The following NOL8 variants were observed in gnomAD, a reference collection of about 807,000 sequenced individuals.
NOL8 encodes nucleolar protein 8.
A neutral mutation model predicts 116.1 loss-of-function variants in NOL8; 93 were observed. That is an observed-to-expected ratio of 0.80 (90% CI 0.68 to 0.95). The LOEUF (loss-of-function observed/expected upper bound fraction) is 0.95. Among genes scored for constraint, NOL8 ranks in the 40% least tolerant of loss-of-function variants. The pLI is 0.00. For synonymous variants in NOL8, 419 were observed against 469.0 expected (o/e 0.89, Z 1.38); for missense variants, 1,291 against 1,382.8 (o/e 0.93, Z 1.05).
At chr9:92,323,990 C>T (rs1489623719) in intron 2 of NOL8, 33 bp downstream of exon 2, 5 of 1,609,934 alleles carry the variant, frequency 3.1e-6, no homozygotes, top group Non-Finnish European at 4.2e-6. Flanking sequence ...GTTATGTCTG[C>T]CTATAACTGC....
At chr9:92,312,732 CAGG>C (rs1838934784) in intron 7 of NOL8, among the ~76,000 whole-genome samples, 1 of 145,822 alleles carries the variant, frequency 6.9e-6, no homozygotes, top group Non-Finnish European at 1.5e-5. Flanking sequence ...GAGGCTGAGG[CAGG>C]AGAATTGCTT....
chr9:92,310,064 G>T, intron 10 of NOL8, 107 bp downstream of exon 10: 1 of 743,230 alleles, frequency 1.3e-6, no homozygotes. Flanking sequence ...TCAATCCAAT[G>T]TCTTGGGATG....
Position 92,298,101 on chromosome 9 carries a change from A to G in NOL8, c.3453+156T>C, listed in dbSNP as rs564385234. 1.2e-4 allele frequency among the ~76,000 whole-genome samples: 18 copies of G among 152,330 alleles called. No individual in the cohort carries two copies. In the South Asian group the frequency reaches 3.7e-3, roughly 32 times the overall value. The stretch of plus-strand genomic sequence containing the variant: ...TTTAAAAATCTGATGCTTTCGTGTT[A>G]CTTAATAGGCTTGGCTGGATTCTGA... On this transcript the variant is annotated intron_variant, in intron 16 of 16. Coordinates refer to ENST00000442668, the MANE Select transcript of NOL8 (RefSeq NM_017948.6).
intron 11 of NOL8, among the ~76,000 whole-genome samples, chr9:92,306,510 G>T (rs905555255): frequency 6.6e-5 from 10 of 152,052 alleles, no homozygotes; most frequent in Non-Finnish European, 1.2e-4. Flanking sequence ...GGTGTACAGG[G>T]CTTTCATTAC....
intron 6 of NOL8, 77 bp from the exon 7 acceptor site, chr9:92,316,215 C>A: frequency 6.9e-7 from 1 of 1,439,182 alleles, no homozygotes; most frequent in South Asian, 1.4e-5. Flanking sequence ...AAAAATATTG[C>A]TTAATCTCAA....
At chr9:92,316,222 T>C in intron 6 of NOL8, 84 bp from the exon 7 acceptor site, 2 of 1,384,478 alleles carry the variant, frequency 1.4e-6, no homozygotes, top group Non-Finnish European at 1.9e-6. Flanking sequence ...TTGCTTAATC[T>C]CAAATAAGTC....
intron 7 of NOL8, among the ~76,000 whole-genome samples, chr9:92,313,650 C>T (rs1312037468): frequency 2.6e-5 from 4 of 152,190 alleles, no homozygotes; most frequent in Non-Finnish European, 5.9e-5. Flanking sequence ...CTTGTATAAA[C>T]GGTTCCTTTT....
At position 92,315,355 on chromosome 9, in the gene NOL8, A is replaced by G. The variant is rs750292239; in HGVS notation, c.1270T>C (p.Cys424Arg). The change falls in exon 7 of 17, where the codon TGT becomes CGT. Residue 424 changes from cysteine (C) to arginine (R), a missense_variant. By Grantham distance (180) the Cys-to-Arg change is radical. Transcript: ENST00000442668. ...NRENCELSDH[C>R]IKLQKRKSNV... ...CTTTTTCTTTTTTGTAGTTTAATAC[A>G]GTGATCAGAAAGCTCACAGTTTTCT... 6.2e-7 allele frequency: 1 copy of G among 1,610,824 alleles called. No homozygotes were observed. Among genetic ancestry groups the G allele is most frequent in the African/African-American group, 1.3e-5 (1 of 74,896 alleles).
intron 3 of NOL8, 143 bp downstream of exon 3, chr9:92,323,298 C>G: frequency 6.5e-7 from 1 of 1,535,782 alleles, no homozygotes; most frequent in Non-Finnish European, 8.7e-7. Context: ...CTGAGTTATA[C>G]GATACTGGAA....
intron 14 of NOL8, among the ~76,000 whole-genome samples, chr9:92,299,639 C>T (rs1464827537): frequency 6.6e-6 from 1 of 151,922 alleles, no homozygotes; most frequent in Non-Finnish European, 1.5e-5. Flanking sequence ...GTAATCCCAG[C>T]TACTTGGGAG....
intron 6 of NOL8, among the ~76,000 whole-genome samples, chr9:92,317,893 G>A (rs965721112): frequency 4.6e-5 from 7 of 151,594 alleles, no homozygotes; most frequent in African/African-American, 1.5e-4. Flanking sequence ...AAATTAGCCA[G>A]GTGTGGTGGC....
At chr9:92,312,985 G>GA (rs923370409) in intron 7 of NOL8, among the ~76,000 whole-genome samples, 81 of 144,208 alleles carry the variant, frequency 5.6e-4, no homozygotes, top group Non-Finnish European at 8.5e-4. Flanking sequence ...AATAAAGGAA[G>GA]AAAAAAAAAA....
chr9:92,314,357 T>C lies in NOL8; in HGVS notation c.2268A>G (p.Glu756=). The change falls in exon 7 of 17, where the codon GAA becomes GAG. Residue 756 remains glutamate, a synonymous_variant. Coordinates refer to ENST00000442668, the MANE Select transcript of NOL8 (RefSeq NM_017948.6). ...SDVSAKDKHA[E]DNEKRLAALE... is the part of the protein sequence containing the mutation. ...AGGCTGCCAAACGCTTCTCATTGTC[T>C]TCAGCATGCTTATCTTTAGCACTCA... The C allele has an allele frequency of 6.2e-7, 1 of 1,613,214 alleles. No homozygotes were observed. The highest frequency in any genetic ancestry group is 1.1e-5 in the South Asian group (1 of 91,048).
At chr9:92,301,885 T>C (rs1419699899) in intron 12 of NOL8, 63 bp from the exon 13 acceptor site, 1 of 1,410,262 alleles carries the variant, frequency 7.1e-7, no homozygotes, top group Non-Finnish European at 9.4e-7. Flanking sequence ...TTTCCAGAAA[T>C]CAAGAAAAGA....
intron 4 of NOL8, chr9:92,319,946 T>C: frequency 4.8e-6 from 2 of 415,542 alleles, no homozygotes; most frequent in Admixed American, 5.1e-5. Flanking sequence ...CTTATACCTG[T>C]GCTCTGCTCC....
Position 92,324,120 on chromosome 9 carries a change from G to T in NOL8, c.42C>A (p.Gly14=). The T allele has an allele frequency of 6.2e-7, 1 of 1,613,986 alleles. No homozygotes were observed. Among genetic ancestry groups the T allele is most frequent in the Non-Finnish European group, 8.5e-7 (1 of 1,179,870 alleles). The change falls in exon 2 of 17, where the codon GGC becomes GGA. Residue 14 remains glycine, a synonymous_variant. Coordinates refer to ENST00000442668, the MANE Select transcript of NOL8 (RefSeq NM_017948.6). ...NRETKRLYVG[G]LSQDISEADL... is the part of the protein sequence containing the mutation. Reference sequence around the variant, plus strand: ...CTGCCTCAGAAATGTCCTGGCTAAGGCCACCCACATAAAGGCGCTTCGTTT... The same window carrying T: ...CTGCCTCAGAAATGTCCTGGCTAAGTCCACCCACATAAAGGCGCTTCGTTT...
chr9:92,321,707 G>T lies in NOL8; in HGVS notation c.242C>A (p.Thr81Lys). The T allele has an allele frequency of 2.0e-6, 3 of 1,532,478 alleles. No individual in the cohort carries two copies. The highest frequency in any genetic ancestry group is 2.6e-6 in the Non-Finnish European group (3 of 1,140,232). The allele number at this position is 1,532,478 out of a possible 1,614,324, so 94.9% of individuals were successfully genotyped here. A position where few individuals can be genotyped will look rare whatever the true frequency, so the allele number is the denominator to read the frequency against. ...VLNKTKWKGG[T>K]LQIQLAKESF... ...TTCTTTTGCTAGTTGAATTTGTAAT[G>T]TTCCACCTTTCCATTTTGTTTTATT... is the stretch of plus-strand genomic sequence containing the variant. The change falls in exon 4 of 17, where the codon ACA becomes AAA. Residue 81 changes from threonine (T) to lysine (K), a missense_variant. By Grantham distance (78) the Thr-to-Lys change is moderately conservative. Transcript: ENST00000442668.
In NOL8 at chr9:92,315,587, G is replaced by T. The variant is rs764174088; in HGVS notation, c.1038C>A (p.His346Gln). Residue 346 changes from histidine to glutamine, a missense_variant, in exon 7 of 17, where the codon CAC (histidine) becomes CAA (glutamine). Coordinates refer to ENST00000442668, the MANE Select transcript of NOL8 (RefSeq NM_017948.6). ...VVRDDFKSGV[H>Q]KLHSLIGLGI... ...CTAAACCTATTAAAGAATGCAGTTT[G>T]TGAACGCCTGATTTGAAATCATCCC... 2.5e-6 allele frequency: 4 copies of T among 1,612,924 alleles called. No individual in the cohort carries two copies. Among genetic ancestry groups the T allele is most frequent in the Non-Finnish European group, 2.5e-6 (3 of 1,179,564 alleles).
At chr9:92,319,389 C>G in intron 4 of NOL8, 33 bp from the exon 5 acceptor site, 1 of 1,503,956 alleles carries the variant, frequency 6.6e-7, no homozygotes, top group East Asian at 2.6e-5. Flanking sequence ...ATAAAAGAGT[C>G]AAAATAATCA....
Sources: allele counts gnomAD v4.1 joint callset (sites outside exome capture counted in the v4.1 genomes callset), GRCh38; gene constraint gnomAD v4.1.1; transcripts MANE v1.5; gene names NCBI Gene and HGNC (gene_info 2026-07-23, HGNC 2026-07-21).